The following CEP170B variants were observed in gnomAD, a reference collection of about 807,000 sequenced individuals.
The protein encoded by CEP170B is centrosomal protein 170B.
CEP170B carries 55 observed loss-of-function variants against 120.6 expected under a neutral mutation model. The observed-to-expected ratio is 0.46, with a 90% CI of 0.37 to 0.57. The LOEUF is 0.57. Among genes scored for constraint, CEP170B ranks in the 20% least tolerant of loss-of-function variants. The pLI is 0.00. For missense variants in CEP170B, 2,212 were observed against 2,253.3 expected, an observed-to-expected ratio of 0.98 and a Z score of 0.37; for synonymous variants, 1,033 against 954.5, an observed-to-expected ratio of 1.08 and a Z score of -1.52.
intron 2 of CEP170B, among the ~76,000 whole-genome samples, chr14:104,869,794 C>A (rs901653417): frequency 6.6e-6 from 1 of 152,204 alleles, no homozygotes; most frequent in Non-Finnish European, 1.5e-5. Flanking sequence ...TCTCCAGACA[C>A]CAAATTGGCC....
At chr14:104,876,718 G>A (rs1054949361) in intron 3 of CEP170B, among the ~76,000 whole-genome samples, 1 of 152,338 alleles carries the variant, frequency 6.6e-6, no homozygotes, top group Non-Finnish European at 1.5e-5. Context: ...CTGCTCTCAG[G>A]GAGAGTGGAC....
Position 104,893,555 on chromosome 14 carries a change from C to G in CEP170B, c.4071C>G (p.Asn1357Lys). Residue 1357 changes from asparagine (N) to lysine (K), a missense_variant, in exon 15 of 19, where the codon AAC becomes AAG. Around this residue, in one of 2 missense-constraint regions of CEP170B, gnomAD observed 2,166 missense variants for 2,166.7 expected, o/e 1.00. Transcript: ENST00000414716. ...LVQRIPEASL[N>K]FQKVPPGSLN... ...AGCGCATCCCCGAGGCCAGCCTCAA[C>G]TTCCAGAAGGTGCCGCCCGGCTCGC... The G allele has an allele frequency of 5.0e-6, 8 of 1,606,478 alleles. No individual in the cohort carries two copies. Among genetic ancestry groups the G allele is most frequent in the Non-Finnish European group, 6.8e-6 (8 of 1,177,722 alleles).
rs778351838 is a variant in CEP170B, at chr14:104,877,923, C to T, written c.234C>T (p.Tyr78=). Residue 78 remains tyrosine (Y), a synonymous_variant, in exon 4 of 19, where the codon TAC becomes TAT. Transcript: ENST00000414716. ...ACATGCGCATCCCGGACCAGAAGTA[C>T]GTCACGCTGAAGCTCAACGATGTCA... ...VNDMRIPDQK[Y]VTLKLNDVIR... 38 of 1,577,604 alleles carry T rather than the reference C, an allele frequency of 2.4e-5. No individual in the cohort carries two copies. In the Admixed American group the frequency reaches 4.0e-4, roughly 17 times the overall value.
chr14:104,865,889 C>T lies in CEP170B; in HGVS notation c.-28+376C>T, dbSNP rs1895179427. Among the ~76,000 whole-genome samples, 1 of 152,278 alleles carries T rather than the reference C, an allele frequency of 6.6e-6. No homozygotes were observed. The highest frequency in any genetic ancestry group is 1.5e-5 in the Non-Finnish European group (1 of 67,996). On this transcript the variant is annotated intron_variant, in intron 1 of 18. Transcript: ENST00000414716. This position sits in a 1 kb window ranked among gnomAD's most constrained non-coding sequence, Gnocchi z 6.7. Reference sequence around the variant, plus strand: ...GGCCTGGTCTCTCCTCCCGCGGTCCCTCCCTCCGTCTTCCTCCTCCTCCCC... The same window carrying T: ...GGCCTGGTCTCTCCTCCCGCGGTCCTTCCCTCCGTCTTCCTCCTCCTCCCC...
chr14:104,866,356 G>C (rs1166333408), intron 1 of CEP170B, among the ~76,000 whole-genome samples: 2 of 152,218 alleles, frequency 1.3e-5, no homozygotes, highest in African/African-American at 4.8e-5. Context: ...GGCTGGCTGG[G>C]GGCCGGAGGT....
rs1896925611 is a variant in CEP170B, at chr14:104,893,083, C to T, written c.3986C>T (p.Ser1329Phe). Residue 1329 changes from serine to phenylalanine, a missense_variant, in exon 14 of 19, where the codon TCC becomes TTC. Around this residue, in one of 2 missense-constraint regions of CEP170B, gnomAD observed 2,166 missense variants for 2,166.7 expected, o/e 1.00. Coordinates refer to ENST00000414716, the MANE Select transcript of CEP170B (RefSeq NM_001112726.3). Reference sequence around the variant, plus strand: ...TCCTCGGAGCCTGCCCACAGCGCCTCCCTCAGCAACATGCCCAGCACCCCC... The same window carrying T: ...TCCTCGGAGCCTGCCCACAGCGCCTTCCTCAGCAACATGCCCAGCACCCCC... ...LGSSEPAHSA[S>F]LSNMPSTPAS... 18 of 1,607,678 alleles carry T rather than the reference C, an allele frequency of 1.1e-5. No homozygotes were observed. The East Asian group carries it at 4.0e-4, about 36-fold the overall frequency.
rs994630392 is a variant in CEP170B at position 104,868,926 on chromosome 14, G to A, written c.105+371G>A. On this transcript the variant is annotated intron_variant, in intron 2 of 18. Coordinates refer to ENST00000414716, the MANE Select transcript of CEP170B (RefSeq NM_001112726.3). This position sits in a 1 kb window ranked among gnomAD's most constrained non-coding sequence, Gnocchi z 5.9. ...TTGGAAGGTCCTGGAAAGCCGGTCTGTCCATATTCTTGTTGTCTGGGGGCC... is the reference window on the plus strand; with the variant it reads ...TTGGAAGGTCCTGGAAAGCCGGTCTATCCATATTCTTGTTGTCTGGGGGCC... 6.6e-6 allele frequency among the ~76,000 whole-genome samples: 1 copy of A among 152,198 alleles called. No individual in the cohort carries two copies. Among genetic ancestry groups the A allele is most frequent in the Non-Finnish European group, 1.5e-5 (1 of 68,034 alleles).
rs748538973 is a variant in CEP170B at position 104,894,994 on chromosome 14, G to A, written c.*36G>A. ...TGGCCAGGCCAGCCTCCCTGTGCGT[G>A]TGCGTCTCTGCCTTCCGTCCGCCGC... On this transcript the variant is annotated 3_prime_UTR_variant, in exon 19 of 19. Coordinates refer to ENST00000414716, the MANE Select transcript of CEP170B (RefSeq NM_001112726.3). 8 of 1,490,544 alleles carry A rather than the reference G, an allele frequency of 5.4e-6. No individual in the cohort carries two copies. The highest frequency in any genetic ancestry group is 9.0e-7 in the Non-Finnish European group (1 of 1,115,172). The allele number at this position is 1,490,544 out of a possible 1,614,324, so 92.3% of individuals were successfully genotyped here.
intron 4 of CEP170B, 114 bp downstream of exon 4, chr14:104,878,077 G>C (rs1895957080): frequency 2.3e-6 from 2 of 880,466 alleles, no homozygotes; most frequent in South Asian, 1.5e-5. Flanking sequence ...GGGTAACAGA[G>C]CACCAAGGAT....
Position 104,884,056 on chromosome 14 carries a change from C to T in CEP170B, c.1277C>T (p.Pro426Leu), listed in dbSNP as rs554565193. ...KKRSQSFTHSPSGDPKADKRR... is the reference protein window; with the variant it reads ...KKRSQSFTHSLSGDPKADKRR... ...CGCTCCCAGTCCTTCACGCACAGCC[C>T]GTCCGGGGACCCCAAGGCCGACAAG... The change falls in exon 9 of 19, where the codon CCG becomes CTG. Residue 426 changes from proline to leucine, a missense_variant. By Grantham distance (98) the Pro-to-Leu change is moderately conservative. This residue lies in a region of CEP170B where 2,166 missense variants were observed against 2,166.7 expected (regional missense o/e 1.00). Transcript: ENST00000414716. 2.8e-5 allele frequency: 45 copies of T among 1,608,652 alleles called. No homozygotes were observed. The Admixed American group carries it at 4.9e-4, about 17-fold the overall frequency.
rs368760783 is a variant in CEP170B at position 104,887,205 on chromosome 14, C to T, written c.2966C>T (p.Pro989Leu). The T allele has an allele frequency of 3.6e-5, 58 of 1,605,968 alleles. No individual in the cohort carries two copies. Among genetic ancestry groups the T allele is most frequent in the South Asian group, 5.5e-5 (5 of 91,052 alleles). The change falls in exon 12 of 19, where the codon CCG (proline) becomes CTG (leucine). Residue 989 changes from proline (P) to leucine (L), a missense_variant. This residue lies in a region of CEP170B where 2,166 missense variants were observed against 2,166.7 expected (regional missense o/e 1.00). Transcript: ENST00000414716. The part of the protein sequence containing the change: ...LRAQKEMSPS[P>L]PAAQDPGGTA... ...GCACAGAAGGAGATGTCGCCATCCCCGCCAGCTGCACAGGACCCGGGAGGC... is the reference window on the plus strand; with the variant it reads ...GCACAGAAGGAGATGTCGCCATCCCTGCCAGCTGCACAGGACCCGGGAGGC...
At chr14:104,894,165 T>G in intron 16 of CEP170B, 120 bp from the exon 17 acceptor site, 1 of 811,546 alleles carries the variant, frequency 1.2e-6, no homozygotes, top group South Asian at 1.6e-5. Context: ...AGTTTCCCCC[T>G]TAGGCCCAGG....
intron 17 of CEP170B, 65 bp from the exon 18 acceptor site, chr14:104,894,472 A>G: frequency 6.2e-7 from 1 of 1,602,436 alleles, no homozygotes; most frequent in Middle Eastern, 1.7e-4. Context: ...CTGCACACAG[A>G]GCCCCGGGGC....
chr14:104,884,639 C>T (rs12891734), intron 9 of CEP170B, 90 bp downstream of exon 9: 25 of 1,025,730 alleles, frequency 2.4e-5, no homozygotes, highest in African/African-American at 1.0e-4. Context: ...TCGTGGGGAA[C>T]GGGGGGTGGA....
At chr14:104,885,309 G>A (rs1896414479) in intron 9 of CEP170B, 60 bp from the exon 10 acceptor site, 2 of 1,471,060 alleles carry the variant, frequency 1.4e-6, no homozygotes, top group Admixed American at 5.2e-5. Context: ...CAGTGTCAGT[G>A]GAGGGTTGGG....
At position 104,891,305 on chromosome 14, in the gene CEP170B, G is replaced by A. The variant is rs1304888763; in HGVS notation, c.3878+1547G>A. On this transcript the variant is annotated intron_variant, in intron 13 of 18. Coordinates refer to ENST00000414716, the MANE Select transcript of CEP170B (RefSeq NM_001112726.3). This position sits in a 1 kb window ranked among gnomAD's most constrained non-coding sequence, Gnocchi z 4.3. ...GCCAAGCAGTGGTCAGTACTGCAAA[G>A]GCAGTCCCTGAAAGGCTGTGGGGCA... 6.6e-6 allele frequency among the ~76,000 whole-genome samples: 1 copy of A among 152,128 alleles called. No individual in the cohort carries two copies. The highest frequency in any genetic ancestry group is 1.5e-5 in the Non-Finnish European group (1 of 68,000).
Position 104,885,908 on chromosome 14 carries a change from C to T in CEP170B, c.1945-132C>T, listed in dbSNP as rs1317851225. 88 of 817,618 alleles carry T rather than the reference C, an allele frequency of 1.1e-4. No homozygotes were observed. In the East Asian group the frequency reaches 1.4e-3, roughly 13 times the overall value. 50.6% of individuals were successfully genotyped at this position (817,618 alleles called of 1,614,324 possible). ...CTTTGCAGGGGCACGCTTGCTCATG[C>T]GGCAGGCCCTGGGTGGCGCGCATGC... On this transcript the variant is annotated intron_variant, in intron 10 of 18. Coordinates refer to ENST00000414716, the MANE Select transcript of CEP170B (RefSeq NM_001112726.3).
rs917277191 is a variant in CEP170B at position 104,865,975 on chromosome 14, G to A, written c.-28+462G>A. Among the ~76,000 whole-genome samples, 1 of 152,098 alleles carries A rather than the reference G, an allele frequency of 6.6e-6. No individual in the cohort carries two copies. The highest frequency in any genetic ancestry group is 1.5e-5 in the Non-Finnish European group (1 of 68,016). On this transcript the variant is annotated intron_variant, in intron 1 of 18. Transcript: ENST00000414716. The surrounding 1 kb of genome is among the most constrained non-coding windows in gnomAD (Gnocchi z 6.7). ...TGTCCCTGCCTCTCCCGGCCTGTGC[G>A]CTCCTTCCACCGCCGGCCTGCCCCG...
At chr14:104,877,846 G>A (rs1410023320) in intron 3 of CEP170B, 39 bp from the exon 4 acceptor site, 11 of 316,220 alleles carry the variant, frequency 3.5e-5, no homozygotes, top group Admixed American at 1.5e-4. Flanking sequence ...ACCCACCCGC[G>A]CAGCTCCCCC....
Sources: allele counts gnomAD v4.1 joint callset (sites outside exome capture counted in the v4.1 genomes callset), GRCh38; gene constraint gnomAD v4.1.1; regional missense constraint gnomAD v4.1.1; non-coding constraint Gnocchi (gnomAD v3.1); transcripts MANE v1.5; gene names NCBI Gene and HGNC (gene_info 2026-07-23, HGNC 2026-07-21).